CPNE2: variants seen among roughly 807,000 people sequenced by gnomAD.
CPNE2 encodes the protein copine 2.
A neutral mutation model predicts 69.7 loss-of-function variants in CPNE2; 42 were observed. The observed-to-expected ratio is 0.60, with a 90% CI of 0.47 to 0.78. The LOEUF (loss-of-function observed/expected upper bound fraction) is 0.78, where lower values mean the gene tolerates loss of function less well. Among genes scored for constraint, CPNE2 ranks in the 30% least tolerant of loss-of-function variants. The pLI is 0.00. For synonymous variants in CPNE2, 294 were observed against 289.8 expected (o/e 1.01, Z -0.15); for missense variants, 587 against 732.0 (o/e 0.80, Z 2.29).
intron 1 of CPNE2, among the ~76,000 whole-genome samples, chr16:57,094,269 G>A (rs1190295561): frequency 6.6e-6 from 1 of 152,176 alleles, no homozygotes; most frequent in East Asian, 1.9e-4. Context: ...TGTAAAATGA[G>A]GCAAACTGTG....
chr16:57,095,612 A>G (rs1279767490), intron 1 of CPNE2, among the ~76,000 whole-genome samples: 1 of 152,152 alleles, frequency 6.6e-6, no homozygotes, highest in African/African-American at 2.4e-5. Flanking sequence ...AACTGGGATC[A>G]CAGGTGCACA....
intron 14 of CPNE2, among the ~76,000 whole-genome samples, chr16:57,140,274 G>T (rs752932517): frequency 6.6e-6 from 1 of 151,758 alleles, no homozygotes; most frequent in Non-Finnish European, 1.5e-5. Context: ...GGGTTCAAGC[G>T]ATTCTCCTGT....
intron 9 of CPNE2, 49 bp downstream of exon 9, chr16:57,121,809 A>G (rs1597498162): frequency 6.6e-7 from 1 of 1,526,062 alleles, no homozygotes; most frequent in Non-Finnish European, 9.1e-7. Context: ...TTCAGGCCAC[A>G]CAGAAGGGAC....
At position 57,121,705 on chromosome 16, in the gene CPNE2, A is replaced by G. The variant is rs761049290; in HGVS notation, c.812A>G (p.Gln271Arg). ...TTCGAGTGCATCAACCCCAAGAAGC[A>G]GAGGAAGAAGAAGAACTATAAAAAC... Reference protein sequence around the residue: ...LEFECINPKKQRKKKNYKNSG... With the variant: ...LEFECINPKKRRKKKNYKNSG... Residue 271 changes from glutamine (Q) to arginine (R), a missense_variant, in exon 9 of 16, where the codon CAG becomes CGG. Gln to Arg is a conservative substitution (Grantham distance 43). This residue lies in a region of CPNE2 where 269 missense variants were observed against 300.5 expected (regional missense o/e 0.90). Transcript: ENST00000290776. 7 of 1,614,072 alleles carry G rather than the reference A, an allele frequency of 4.3e-6. No homozygotes were observed. The African/African-American group carries it at 6.7e-5, about 15-fold the overall frequency.
chr16:57,101,893 C>G (rs1168765684), intron 1 of CPNE2, among the ~76,000 whole-genome samples: 1 of 152,174 alleles, frequency 6.6e-6, no homozygotes, highest in East Asian at 1.9e-4. Context: ...ACGGGCACCA[C>G]TCTAGGCCTT....
chr16:57,099,220 T>C (rs1406664853), intron 1 of CPNE2, among the ~76,000 whole-genome samples: 1 of 152,180 alleles, frequency 6.6e-6, no homozygotes, highest in African/African-American at 2.4e-5. Flanking sequence ...ACATACTCCT[T>C]TCTCTCTGGC....
intron 11 of CPNE2, among the ~76,000 whole-genome samples, chr16:57,126,351 C>T (rs548676260): frequency 7.1e-4 from 107 of 151,032 alleles, no homozygotes; most frequent in African/African-American, 2.0e-3. Flanking sequence ...TTCCAGGTCC[C>T]GCAGATCATG....
At chr16:57,122,301 G>T (rs2069768876) in intron 9 of CPNE2, among the ~76,000 whole-genome samples, 1 of 152,250 alleles carries the variant, frequency 6.6e-6, no homozygotes, top group South Asian at 2.1e-4. Flanking sequence ...GGGCAGGAGA[G>T]CAAGAGACCT....
intron 4 of CPNE2, 52 bp downstream of exon 4, chr16:57,115,602 C>G (rs747946748): frequency 1.5e-6 from 2 of 1,347,418 alleles, no homozygotes; most frequent in East Asian, 2.5e-5. Context: ...ACCCCACACC[C>G]TCCCCCATCA....
At chr16:57,093,105 T>A (rs1236642490) in intron 1 of CPNE2, among the ~76,000 whole-genome samples, 1 of 151,744 alleles carries the variant, frequency 6.6e-6, no homozygotes. Flanking sequence ...CCCGAGGGGC[T>A]TGGAGGGCGT....
chr16:57,122,906 T>C (rs1254178295), intron 9 of CPNE2, among the ~76,000 whole-genome samples: 1 of 21,032 alleles, frequency 4.8e-5, no homozygotes, highest in Non-Finnish European at 9.4e-5. Context: ...TTCTTTTCTC[T>C]TTTTTTTTTT....
intron 10 of CPNE2, chr16:57,125,379 G>T (rs1383076478): frequency 4.4e-6 from 2 of 456,002 alleles, no homozygotes; most frequent in Non-Finnish European, 4.4e-6. Flanking sequence ...AGGCCCCTTG[G>T]TGGTCTGAGG....
intron 12 of CPNE2, among the ~76,000 whole-genome samples, chr16:57,129,946 G>A (rs1173190492): frequency 6.6e-6 from 1 of 152,152 alleles, no homozygotes; most frequent in African/African-American, 2.4e-5. Context: ...GGAGACAGGT[G>A]GAGTGAGAAA....
chr16:57,135,594 G>A (rs1567326928), intron 13 of CPNE2, among the ~76,000 whole-genome samples: 1 of 152,020 alleles, frequency 6.6e-6, no homozygotes, highest in Non-Finnish European at 1.5e-5. Flanking sequence ...AAGAGAGATG[G>A]GGAGGGGAAG....
chr16:57,128,519 G>A (rs2069816430), intron 12 of CPNE2, among the ~76,000 whole-genome samples: 2 of 152,298 alleles, frequency 1.3e-5, no homozygotes, highest in South Asian at 4.1e-4. Flanking sequence ...GAGCCACTGT[G>A]ACCAGTGCAG....
chr16:57,119,098 C>T, intron 5 of CPNE2, 97 bp from the exon 6 acceptor site: 1 of 1,107,506 alleles, frequency 9.0e-7, no homozygotes, highest in Non-Finnish European at 1.4e-6. Context: ...AGCTCCTATC[C>T]TGACACCCGG....
In CPNE2 at chr16:57,125,973, G is replaced by A. The variant is rs750576421; in HGVS notation, c.1041G>A (p.Gln347=). 2.8e-5 allele frequency: 45 copies of A among 1,614,068 alleles called. No homozygotes were observed. The South Asian group carries it at 4.6e-4, about 17-fold the overall frequency. ...TGTCGGCCATCTGGGCTGTTGGGCA[G>A]ATCATTCAGGACTACGACAGGTAAG... The part of the protein sequence containing the change: ...EYLSAIWAVG[Q]IIQDYDSDKM... The change falls in exon 11 of 16, where the codon CAG becomes CAA. Residue 347 remains glutamine, a synonymous_variant. Transcript: ENST00000290776.
rs888727615 is a variant in CPNE2, at chr16:57,124,136, C to T, written c.927+663C>T. 3.2e-5 allele frequency: 7 copies of T among 220,014 alleles called. No homozygotes were observed. The East Asian group carries it at 7.6e-4, about 24-fold the overall frequency. 13.6% of individuals were successfully genotyped at this position (220,014 alleles called of 1,614,324 possible). A position where few individuals can be genotyped will look rare whatever the true frequency, so the allele number is the denominator to read the frequency against. ...TCATTCTGTCACGTGGTCTAGAGTG[C>T]AGTGGCACGATCTCAGATCACTGCA... On this transcript the variant is annotated intron_variant, in intron 10 of 15. Coordinates refer to ENST00000290776, the MANE Select transcript of CPNE2 (RefSeq NM_152727.6).
intron 2 of CPNE2, 93 bp from the exon 3 acceptor site, chr16:57,113,195 A>G: frequency 8.9e-7 from 1 of 1,123,516 alleles, no homozygotes; most frequent in Non-Finnish European, 1.3e-6. Flanking sequence ...CAGAGTAGGC[A>G]TTGTACAAGT....
Sources: allele counts gnomAD v4.1 joint callset (sites outside exome capture counted in the v4.1 genomes callset), GRCh38; gene constraint gnomAD v4.1.1; regional missense constraint gnomAD v4.1.1; transcripts MANE v1.5; gene names NCBI Gene and HGNC (gene_info 2026-07-23, HGNC 2026-07-21).